Variants in KIDINS220 observed in about 807,000 individuals in gnomAD.
KIDINS220 encodes the protein kinase D-interacting substrate of 220 kDa.
KIDINS220 carries 63 observed loss-of-function variants against 157.6 expected under a neutral mutation model. The observed-to-expected ratio is 0.40, with a 90% CI of 0.33 to 0.49. The LOEUF (loss-of-function observed/expected upper bound fraction) is 0.49, where lower values mean the gene tolerates loss of function less well. KIDINS220 is among the 20% of genes least tolerant of loss of function. The pLI, the probability that KIDINS220 is intolerant of heterozygous loss-of-function variation, is 0.66. For synonymous variants in KIDINS220, 732 were observed against 783.6 expected (o/e 0.93, Z 1.10); for missense variants, 1,772 against 2,171.2 (o/e 0.82, Z 3.65).
chr2:8,828,854 G>A (rs1260800676), intron 1 of KIDINS220, among the ~76,000 whole-genome samples: 1 of 152,190 alleles, frequency 6.6e-6, no homozygotes, highest in Non-Finnish European at 1.5e-5. Flanking sequence ...AGTTGGAGCA[G>A]ATAACTTGAT....
chr2:8,769,075 C>T (rs1206943764), intron 22 of KIDINS220, among the ~76,000 whole-genome samples: 1 of 152,112 alleles, frequency 6.6e-6, no homozygotes, highest in Non-Finnish European at 1.5e-5. Context: ...TGCCAAATGC[C>T]GAAGTTTAAA....
chr2:8,803,529 TCAGAC>T (rs1675020123), intron 7 of KIDINS220, among the ~76,000 whole-genome samples: 1 of 152,096 alleles, frequency 6.6e-6, no homozygotes, highest in South Asian at 2.1e-4. Context: ...GTCAGGTGAA[TCAGAC>T]TTCAAGAATT....
intron 21 of KIDINS220, among the ~76,000 whole-genome samples, chr2:8,775,693 G>C (rs897509594): frequency 6.6e-6 from 1 of 152,198 alleles, no homozygotes; most frequent in Non-Finnish European, 1.5e-5. Flanking sequence ...GGACAGACAA[G>C]TCTTTTGAGG....
chr2:8,778,330 A>G (rs1470123836), intron 20 of KIDINS220, among the ~76,000 whole-genome samples: 1 of 152,160 alleles, frequency 6.6e-6, no homozygotes, highest in Non-Finnish European at 1.5e-5. Context: ...GCATAGCTCA[A>G]CCTGACCAGG....
At chr2:8,744,384 AAAAAATATATATATATAATATAT>A (rs1666168675) in intron 26 of KIDINS220, among the ~76,000 whole-genome samples, 13 of 27,924 alleles carry the variant, frequency 4.7e-4, no homozygotes, top group South Asian at 2.1e-3. Flanking sequence ...AAAAAAAAAA[AAAAAATATATATATATAATATAT>A]ATATATATAT....
chr2:8,735,018 C>T (rs1664670167), intron 27 of KIDINS220, among the ~76,000 whole-genome samples: 2 of 152,168 alleles, frequency 1.3e-5, no homozygotes, highest in Non-Finnish European at 2.9e-5. Flanking sequence ...TCCAAAACTA[C>T]CTATGCTGTC....
At position 8,813,336 on chromosome 2, in the gene KIDINS220, C is replaced by T; in HGVS notation, c.307-1G>A. On this transcript the variant is annotated splice_acceptor_variant, in intron 4 of 29. Coordinates refer to ENST00000256707, the MANE Select transcript of KIDINS220 (RefSeq NM_020738.4). LOFTEE classifies it high-confidence loss of function. ...CCCACATAAGAGCTGTCCATCCTCCCTAAACAAAAAATGTAGGGGTAAGGG... is the reference window on the plus strand; with the variant it reads ...CCCACATAAGAGCTGTCCATCCTCCTTAAACAAAAAATGTAGGGGTAAGGG... 1 of 1,603,390 alleles carries T rather than the reference C, an allele frequency of 6.2e-7. No homozygotes were observed. The highest frequency in any genetic ancestry group is 8.5e-7 in the Non-Finnish European group (1 of 1,175,650).
intron 22 of KIDINS220, among the ~76,000 whole-genome samples, chr2:8,761,804 TG>T (rs909281361): frequency 6.6e-6 from 1 of 152,250 alleles, no homozygotes; most frequent in Admixed American, 6.5e-5. Context: ...TTCTGCAGCA[TG>T]GTTTTACACC....
At chr2:8,732,989 A>G (rs1664360551) in intron 29 of KIDINS220, among the ~76,000 whole-genome samples, 1 of 152,210 alleles carries the variant, frequency 6.6e-6, no homozygotes, top group South Asian at 2.1e-4. Context: ...CTAATGCCAG[A>G]CCAGAAGAAA....
intron 22 of KIDINS220, among the ~76,000 whole-genome samples, chr2:8,754,306 G>A (rs1330542995): frequency 1.3e-5 from 2 of 152,188 alleles, no homozygotes; most frequent in Admixed American, 1.3e-4. Context: ...AACCTTCTGA[G>A]CTCAATACAT....
At chr2:8,739,463 T>C (rs1483008214) in intron 26 of KIDINS220, among the ~76,000 whole-genome samples, 1 of 152,168 alleles carries the variant, frequency 6.6e-6, no homozygotes, top group Non-Finnish European at 1.5e-5. Context: ...AGACCTTTTC[T>C]AAAATAATCA....
intron 17 of KIDINS220, among the ~76,000 whole-genome samples, chr2:8,783,521 GAAGA>G (rs942847639): frequency 2.6e-5 from 4 of 152,036 alleles, no homozygotes; most frequent in Admixed American, 2.6e-4. Context: ...TGAAGACTGG[GAAGA>G]AAGAAAGAAA....
intron 4 of KIDINS220, among the ~76,000 whole-genome samples, chr2:8,816,656 C>T (rs564421108): frequency 6.6e-6 from 1 of 152,308 alleles, no homozygotes; most frequent in East Asian, 1.9e-4. Context: ...TCCCTTCTAC[C>T]TTTCGTACCA....
At chr2:8,781,883 A>G (rs1671773345) in intron 17 of KIDINS220, among the ~76,000 whole-genome samples, 1 of 152,132 alleles carries the variant, frequency 6.6e-6, no homozygotes, top group South Asian at 2.1e-4. Context: ...GCACTTTGGG[A>G]GGCCAAGGTG....
intron 22 of KIDINS220, among the ~76,000 whole-genome samples, chr2:8,762,011 A>G (rs1162199215): frequency 6.6e-6 from 1 of 152,206 alleles, no homozygotes; most frequent in African/African-American, 2.4e-5. Context: ...TTTTTTGGTA[A>G]ATTGAATTCT....
intron 22 of KIDINS220, among the ~76,000 whole-genome samples, chr2:8,768,270 G>GA (rs1669733291): frequency 6.7e-6 from 1 of 148,906 alleles, no homozygotes; most frequent in African/African-American, 2.5e-5. Context: ...ACTCTCAAAT[G>GA]ATCCAGACAA....
intron 1 of KIDINS220, among the ~76,000 whole-genome samples, chr2:8,829,969 T>G (rs1477976615): frequency 6.6e-6 from 1 of 151,564 alleles, no homozygotes; most frequent in Non-Finnish European, 1.5e-5. Flanking sequence ...GAACTCAAAT[T>G]CACCACACTC....
chr2:8,785,270 A>C (rs1031853284), intron 17 of KIDINS220, among the ~76,000 whole-genome samples: 1 of 152,188 alleles, frequency 6.6e-6, no homozygotes, highest in African/African-American at 2.4e-5. Flanking sequence ...AGGGGTGAAC[A>C]GGTGTGAAGA....
At chr2:8,753,146 A>G (rs2148062617) in intron 22 of KIDINS220, among the ~76,000 whole-genome samples, 1 of 152,306 alleles carries the variant, frequency 6.6e-6, no homozygotes, top group South Asian at 2.1e-4. Flanking sequence ...TGAGAAAACT[A>G]GAAACAAATC....
Sources: allele counts gnomAD v4.1 joint callset (sites outside exome capture counted in the v4.1 genomes callset), GRCh38; gene constraint gnomAD v4.1.1; transcripts MANE v1.5; gene names NCBI Gene and HGNC (gene_info 2026-07-23, HGNC 2026-07-21).